Variants in PTPRS observed in about 807,000 individuals in gnomAD.
PTPRS encodes receptor-type tyrosine-protein phosphatase S.
In PTPRS, 63 loss-of-function variants were observed where a neutral mutation model predicts 215.3. The observed-to-expected ratio is 0.29, with a 90% confidence interval of 0.24 to 0.36. The LOEUF is 0.36. PTPRS is among the 10% of genes least tolerant of loss of function. The pLI, the probability that PTPRS is intolerant of heterozygous loss-of-function variation, is 1.00. For missense variants in PTPRS, 2,258 were observed against 2,825.8 expected, an observed-to-expected ratio of 0.80 and a Z score of 4.56; for synonymous variants, 1,404 against 1,191.4, an observed-to-expected ratio of 1.18 and a Z score of -3.68.
intron 4 of PTPRS, among the ~76,000 whole-genome samples, chr19:5,272,595 C>CAAAAAAAAAAAAAAAAA (rs10527451): frequency 8.7e-4 from 64 of 73,438 alleles, no homozygotes; most frequent in Non-Finnish European, 1.4e-3. Context: ...AAGACTGTCT[C>CAAAAAAAAAAAAAAAAA]AAAAAAAAAA....
At position 5,220,226 on chromosome 19, in the gene PTPRS, T is replaced by C. The variant is rs1271868752; in HGVS notation, c.3549+34A>G. 2.5e-6 allele frequency: 4 copies of C among 1,610,682 alleles called. No individual in the cohort carries two copies. The African/African-American group carries it at 4.0e-5, about 16-fold the overall frequency. On this transcript the variant is annotated intron_variant, in intron 21 of 37. Transcript: ENST00000262963. ...CAGAGCACGTGAAAACTGGAATGCA[T>C]CTGGGCCCTGCGGGTTGGGCCCCAG...
rs1143698 is a variant in PTPRS, at chr19:5,210,771, G to A, written c.5269C>T (p.Leu1757=). 0.28 allele frequency: 448,927 copies of A among 1,613,768 alleles called. 65,304 individuals carry two copies. The highest frequency in any genetic ancestry group is 0.48 in the African/African-American group (36,276 of 74,976). ...CAGAAGTCTTCCGTGGTCTCCGCCA[G>A]CGGCCCCTGTGTCGCGATGTAGGCC... ...QKAYIATQGP[L]AETTEDFWRM... Residue 1757 remains leucine, a synonymous_variant, in exon 34 of 38, where the codon CTG becomes TTG. Transcript: ENST00000262963. The surrounding 1 kb of genome is among the most constrained non-coding windows in gnomAD (Gnocchi z 4.5).
chr19:5,333,563 G>T (rs1205372021), intron 1 of PTPRS, among the ~76,000 whole-genome samples: 3 of 151,992 alleles, frequency 2.0e-5, no homozygotes, highest in African/African-American at 7.3e-5. Context: ...GGGGTCCTGT[G>T]TGGTCTTCCC....
At chr19:5,222,381 T>G (rs898233991) in intron 18 of PTPRS, among the ~76,000 whole-genome samples, 161 bp from the exon 19 acceptor site, 6 of 149,870 alleles carry the variant, frequency 4.0e-5, no homozygotes, top group Admixed American at 1.3e-4. Flanking sequence ...GGCCCGGCCC[T>G]GCCCTGTCCT....
intron 1 of PTPRS, among the ~76,000 whole-genome samples, chr19:5,333,858 G>T (rs2050406332): frequency 6.6e-6 from 1 of 152,158 alleles, no homozygotes; most frequent in Non-Finnish European, 1.5e-5. Context: ...TTAATGAACT[G>T]GTGAATATTC....
At chr19:5,278,073 G>T (rs1322477452) in intron 2 of PTPRS, 37 of 928,736 alleles carry the variant, frequency 4.0e-5, no homozygotes, top group Non-Finnish European at 1.7e-6. Context: ...CGTGGAAAGG[G>T]CCGCCCAGCT....
At chr19:5,253,663 G>A (rs1484229493) in intron 9 of PTPRS, among the ~76,000 whole-genome samples, 2 of 152,172 alleles carry the variant, frequency 1.3e-5, no homozygotes, top group Non-Finnish European at 2.9e-5. Context: ...GAAAGCACTA[G>A]CGAAAAATGA....
intron 1 of PTPRS, among the ~76,000 whole-genome samples, chr19:5,308,723 GGA>G (rs2147138341): frequency 6.6e-6 from 1 of 152,288 alleles, no homozygotes; most frequent in East Asian, 1.9e-4. Flanking sequence ...CTCCAGGCGG[GGA>G]GAGAGATTAT....
intron 4 of PTPRS, 111 bp from the exon 5 acceptor site, chr19:5,265,307 C>T (rs780567965): frequency 2.2e-4 from 220 of 993,622 alleles, no homozygotes; most frequent in Non-Finnish European, 3.1e-4. Context: ...TCCCTGGCTG[C>T]GTGACCTCAG....
chr19:5,229,777 G>T, intron 14 of PTPRS, 93 bp from the exon 15 acceptor site: 2 of 786,162 alleles, frequency 2.5e-6, no homozygotes, highest in Non-Finnish European at 3.4e-6. Flanking sequence ...ATTCCAGGAT[G>T]CCGAGTGGCT....
chr19:5,226,599 A>G (rs1486327114), intron 16 of PTPRS, among the ~76,000 whole-genome samples: 32 of 151,642 alleles, frequency 2.1e-4, no homozygotes, highest in Admixed American at 2.1e-3. Flanking sequence ...AAAAAAGCAA[A>G]AAAGCCAGGC....
At chr19:5,220,955 G>C (rs1420489102) in intron 20 of PTPRS, 45 bp downstream of exon 20, 4 of 1,567,374 alleles carry the variant, frequency 2.6e-6, no homozygotes, top group Admixed American at 1.8e-5. Flanking sequence ...CATATAGTAG[G>C]CTGATGGGGG....
In PTPRS at chr19:5,206,377, C is replaced by T. The variant is rs905511192; in HGVS notation, c.*397G>A. On this transcript the variant is annotated 3_prime_UTR_variant, in exon 38 of 38. Transcript: ENST00000262963. ...AGCCCAGTGTCCCCAGGCTGCAGAG[C>T]GGGGAGGAGCCCCCCGGGTCCCCCT... 11 of 250,516 alleles carry T rather than the reference C, an allele frequency of 4.4e-5. No individual in the cohort carries two copies. The highest frequency in any genetic ancestry group is 2.2e-4 in the Admixed American group (4 of 18,514). The allele number at this position is 250,516 out of a possible 1,614,324, so 15.5% of individuals were successfully genotyped here.
At chr19:5,208,106 G>C in intron 36 of PTPRS, 49 bp from the exon 37 acceptor site, 1 of 1,592,078 alleles carries the variant, frequency 6.3e-7, no homozygotes, top group Non-Finnish European at 8.6e-7. Flanking sequence ...GTGCTGGGGA[G>C]CCCTGATCTG....
Position 5,245,923 on chromosome 19 carries a change from C to T in PTPRS, c.841G>A (p.Gly281Arg). The T allele has an allele frequency of 6.2e-7, 1 of 1,613,682 alleles. No homozygotes were observed. Among genetic ancestry groups the T allele is most frequent in the Non-Finnish European group, 8.5e-7 (1 of 1,179,890 alleles). The change falls in exon 10 of 38, where the codon GGG becomes AGG. Residue 281 changes from glycine (G) to arginine (R), a missense_variant. This residue lies in a region of PTPRS where 508 missense variants were observed against 799.4 expected (regional missense o/e 0.64). Transcript: ENST00000262963. The stretch of plus-strand genomic sequence containing the variant: ...TCCTCGGGGGTCAGGTCCTCGGCCC[C>T]CTGCATCCACTTCACGTATGGCATG... ...SPMPYVKWMQGAEDLTPEDDM... is the reference protein window; with the variant it reads ...SPMPYVKWMQRAEDLTPEDDM...
In PTPRS at chr19:5,206,715, C is replaced by T; in HGVS notation, c.*59G>A. ...GGGGGTCCAGGCCTCAGGAGGTCCGCCCGGGAGGGGCAGAGGCATCCGGGG... is the reference window on the plus strand; with the variant it reads ...GGGGGTCCAGGCCTCAGGAGGTCCGTCCGGGAGGGGCAGAGGCATCCGGGG... On this transcript the variant is annotated 3_prime_UTR_variant, in exon 38 of 38. Transcript: ENST00000262963. 2 of 1,527,794 alleles carry T rather than the reference C, an allele frequency of 1.3e-6. No homozygotes were observed. The highest frequency in any genetic ancestry group is 1.8e-6 in the Non-Finnish European group (2 of 1,103,400). 94.6% of individuals were successfully genotyped at this position (1,527,794 alleles called of 1,614,324 possible).
chr19:5,248,035 T>TGG (rs917081940), intron 9 of PTPRS, among the ~76,000 whole-genome samples: 2 of 21,234 alleles, frequency 9.4e-5, no homozygotes, highest in South Asian at 1.5e-3. Context: ...TGCCGTGAGA[T>TGG]GGGGGGGGCG....
In PTPRS at chr19:5,257,307, G is replaced by A. The variant is rs77427975; in HGVS notation, c.706+710C>T. The A allele has an allele frequency of 8.9e-3, 3,655 of 412,586 alleles. 129 individuals carry two copies. Among genetic ancestry groups the A allele is most frequent in the African/African-American group, 0.068 (3,340 of 48,884 alleles). 25.6% of individuals were successfully genotyped at this position (412,586 alleles called of 1,614,324 possible). The stretch of plus-strand genomic sequence containing the variant: ...TGCTGGGCATGACTGAGTGGGAATT[G>A]GAAACTGAGAGTAACAAGCTTCGCT... On this transcript the variant is annotated intron_variant, in intron 8 of 37. Coordinates refer to ENST00000262963, the MANE Select transcript of PTPRS (RefSeq NM_002850.4). This position sits in a 1 kb window ranked among gnomAD's most constrained non-coding sequence, Gnocchi z 4.4.
intron 13 of PTPRS, 61 bp downstream of exon 13, chr19:5,238,858 G>T (rs2043720291): frequency 1.3e-6 from 2 of 1,493,638 alleles, no homozygotes; most frequent in Non-Finnish European, 1.8e-6. Context: ...CTGCCGAGGG[G>T]CTGTCTGCGG....
Sources: gnomAD v4.1 joint callset for allele counts (sites outside exome capture counted in the v4.1 genomes callset) on GRCh38, gnomAD v4.1.1 for gene constraint, gnomAD v4.1.1 regional missense constraint, Gnocchi (gnomAD v3.1) non-coding constraint, MANE v1.5 for transcripts, NCBI Gene and HGNC (gene_info 2026-07-23, HGNC 2026-07-21) for gene names.